The following SYNE2 variants were observed in gnomAD, a reference collection of about 807,000 sequenced individuals.
SYNE2 encodes the protein nesprin-2.
A neutral mutation model predicts 856.3 loss-of-function variants in SYNE2; 431 were observed. The ratio of observed to expected loss-of-function variants is 0.50; its 90% confidence interval spans 0.47 to 0.55. The LOEUF is 0.55. Among genes scored for constraint, SYNE2 ranks in the 20% least tolerant of loss-of-function variants. The pLI is 0.00. For synonymous variants in SYNE2, 2,923 were observed against 2,872.3 expected (o/e 1.02, Z -0.56); for missense variants, 8,129 against 8,023.2 (o/e 1.01, Z -0.50).
chr14:63,912,026 CT>C (rs2095479035), intron 2 of SYNE2, among the ~76,000 whole-genome samples: 1 of 151,978 alleles, frequency 6.6e-6, no homozygotes, highest in Admixed American at 6.6e-5. Flanking sequence ...GCTGGACACA[CT>C]GCTGTCTTAG....
chr14:63,763,055 C>G (rs1444171165), intron 1 of SYNE2, among the ~76,000 whole-genome samples: 1 of 152,198 alleles, frequency 6.6e-6, no homozygotes, highest in Non-Finnish European at 1.5e-5. Context: ...GCAACCTCTG[C>G]CTCCCAGGTT....
chr14:64,195,396 A>G (rs1485975394), intron 99 of SYNE2, among the ~76,000 whole-genome samples: 1 of 152,244 alleles, frequency 6.6e-6, no homozygotes, highest in African/African-American at 2.4e-5. Flanking sequence ...TGATGGTAGC[A>G]CCACTAGCAA....
rs1440265767 is a variant in SYNE2 at position 64,106,199 on chromosome 14, G to A, written c.12493-1292G>A. Among the ~76,000 whole-genome samples the A allele has an allele frequency of 2.0e-5, 3 of 149,570 alleles. No individual in the cohort carries two copies. In the Admixed American group the frequency reaches 2.0e-4, roughly 10 times the overall value. The stretch of plus-strand genomic sequence containing the variant: ...TCAGTCTTAGCCAAACTTAGCCAGT[G>A]GTTTAAATTAATTTATGTTCTAAGA... On this transcript the variant is annotated intron_variant, in intron 64 of 115. Transcript: ENST00000555002.
At chr14:63,865,724 C>CCCAAA (rs1555352398) in intron 1 of SYNE2, among the ~76,000 whole-genome samples, 7 of 95,352 alleles carry the variant, frequency 7.3e-5, no homozygotes, top group Non-Finnish European at 1.1e-4. Flanking sequence ...ACCCCCCCCC[C>CCCAAA]AAAAAAAAAG....
Position 64,214,311 on chromosome 14 carries a change from T to C in SYNE2, c.19174T>C (p.Ser6392Pro). ...GAGCGAGGAACCGTCATCTCCTCAG[T>C]CCCTGTGTCATCTAGTGGCCCCAGG... ...GESEEPSSPQ[S>P]LCHLVAPGHE... Residue 6392 changes from serine (S) to proline (P), a missense_variant, in exon 106 of 116, where the codon TCC becomes CCC. By Grantham distance (74) the Ser-to-Pro change is moderately conservative. Around this residue, in one of 3 missense-constraint regions of SYNE2, gnomAD observed 5,410 missense variants for 5,284.8 expected, o/e 1.02. Transcript: ENST00000555002. 6.2e-7 allele frequency: 1 copy of C among 1,613,962 alleles called. No homozygotes were observed. The highest frequency in any genetic ancestry group is 8.5e-7 in the Non-Finnish European group (1 of 1,179,972).
At position 64,212,047 on chromosome 14, in the gene SYNE2, C is replaced by A. The variant is rs750950612; in HGVS notation, c.18810C>A (p.Asn6270Lys). 6.2e-7 allele frequency: 1 copy of A among 1,614,156 alleles called. No homozygotes were observed. Among genetic ancestry groups the A allele is most frequent in the East Asian group, 2.2e-5 (1 of 44,884 alleles). ...CAGAGATGGACCTGCAGCTGACCAACGTGGAGCACTTCTCAGAGAGTGACG... is the reference window on the plus strand; with the variant it reads ...CAGAGATGGACCTGCAGCTGACCAAAGTGGAGCACTTCTCAGAGAGTGACG... ...WLTEMDLQLT[N>K]VEHFSESDAD... The change falls in exon 104 of 116, where the codon AAC (asparagine) becomes AAA (lysine). Residue 6270 changes from asparagine to lysine, a missense_variant. Around this residue, in one of 3 missense-constraint regions of SYNE2, gnomAD observed 5,410 missense variants for 5,284.8 expected, o/e 1.02. Coordinates refer to ENST00000555002, the MANE Select transcript of SYNE2 (RefSeq NM_182914.3).
chr14:63,997,074 A>T lies in SYNE2; in HGVS notation c.3068A>T (p.Glu1023Val), dbSNP rs372839037. The part of the protein sequence containing the change: ...QEVKRLLKDY[E>V]QKIERLLKCA... ...GTGAAGAGACTACTCAAAGATTATG[A>T]ACAAAAGATAGAAAGACTTCTGAAA... is the stretch of plus-strand genomic sequence containing the variant. Residue 1023 changes from glutamate (E) to valine (V), a missense_variant, in exon 24 of 116, where the codon GAA becomes GTA. By Grantham distance (121) the Glu-to-Val change is moderately radical. Coordinates refer to ENST00000555002, the MANE Select transcript of SYNE2 (RefSeq NM_182914.3). 5.0e-6 allele frequency: 8 copies of T among 1,613,984 alleles called. No individual in the cohort carries two copies. The African/African-American group carries it at 9.3e-5, about 19-fold the overall frequency.
chr14:63,796,854 C>T (rs1887933011), intron 1 of SYNE2, among the ~76,000 whole-genome samples: 1 of 151,974 alleles, frequency 6.6e-6, no homozygotes, highest in African/African-American at 2.4e-5. Context: ...CCGAGGAAGG[C>T]AGATCACGAG....
In SYNE2 at chr14:64,052,974, C is replaced by G. The variant is rs1395702884; in HGVS notation, c.9061C>G (p.Gln3021Glu). The G allele has an allele frequency of 3.7e-6, 6 of 1,610,324 alleles. No individual in the cohort carries two copies. The highest frequency in any genetic ancestry group is 5.1e-6 in the Non-Finnish European group (6 of 1,179,162). ...GGATTTTTCACAACTTGACCAATTA[C>G]AAACCCAAGTATTTGAAAAAGAAAA... ...NWDFSQLDQLQTQVFEKEKEL... is the reference protein window; with the variant it reads ...NWDFSQLDQLETQVFEKEKEL... Residue 3021 changes from glutamine to glutamate, a missense_variant, in exon 48 of 116, where the codon CAA (glutamine) becomes GAA (glutamate). Physicochemically the swap from Gln to Glu is conservative, Grantham distance 29. Coordinates refer to ENST00000555002, the MANE Select transcript of SYNE2 (RefSeq NM_182914.3).
intron 1 of SYNE2, among the ~76,000 whole-genome samples, chr14:63,855,691 T>C (rs536112508): frequency 6.6e-6 from 1 of 152,334 alleles, no homozygotes; most frequent in East Asian, 1.9e-4. Flanking sequence ...TCATAAGTTG[T>C]TATTTTTCCT....
chr14:63,925,554 T>C (rs899388645), intron 2 of SYNE2, among the ~76,000 whole-genome samples: 3 of 152,200 alleles, frequency 2.0e-5, no homozygotes, highest in African/African-American at 7.2e-5. Context: ...TTGCATTGTT[T>C]TTTTTACCAT....
At chr14:64,105,733 A>G (rs2097766823) in intron 64 of SYNE2, among the ~76,000 whole-genome samples, 1 of 152,238 alleles carries the variant, frequency 6.6e-6, no homozygotes, top group Non-Finnish European at 1.5e-5. Context: ...TCCATTTAAA[A>G]TGTGACACAC....
intron 9 of SYNE2, 53 bp downstream of exon 9, chr14:63,961,678 G>T (rs1336218294): frequency 3.1e-6 from 4 of 1,302,406 alleles, no homozygotes; most frequent in Non-Finnish European, 4.4e-6. Flanking sequence ...CCTGCTAATG[G>T]TTTAATTTTT....
intron 1 of SYNE2, among the ~76,000 whole-genome samples, chr14:63,773,399 C>T (rs1476755742): frequency 6.6e-6 from 1 of 151,930 alleles, no homozygotes; most frequent in Non-Finnish European, 1.5e-5. Flanking sequence ...AGGGGTCTTC[C>T]CATGTTGCCC....
chr14:63,951,524 A>G (rs1179752954), intron 7 of SYNE2, among the ~76,000 whole-genome samples: 4 of 152,144 alleles, frequency 2.6e-5, no homozygotes, highest in African/African-American at 9.7e-5. Context: ...GCTGGTCTCA[A>G]ACTCCTGACC....
At chr14:64,159,569 C>T in intron 87 of SYNE2, 127 bp downstream of exon 87, 2 of 1,112,848 alleles carry the variant, frequency 1.8e-6, no homozygotes, top group South Asian at 2.7e-5. Context: ...CTGTTCTGGT[C>T]TCTTCTGCTT....
At chr14:63,884,155 G>C (rs1283067245) in intron 1 of SYNE2, among the ~76,000 whole-genome samples, 1 of 152,158 alleles carries the variant, frequency 6.6e-6, no homozygotes, top group Non-Finnish European at 1.5e-5. Context: ...GTAAAATGGA[G>C]AAAGCAGGCC....
At chr14:63,779,809 G>C (rs1165935002) in intron 1 of SYNE2, among the ~76,000 whole-genome samples, 2 of 152,166 alleles carry the variant, frequency 1.3e-5, no homozygotes. Context: ...TACTCAGGAG[G>C]CTGAGGCAGG....
chr14:63,902,407 CAAAAAAAAAAAAA>C (rs10533353), intron 1 of SYNE2, among the ~76,000 whole-genome samples: 1 of 74,642 alleles, frequency 1.3e-5, no homozygotes, highest in Admixed American at 1.6e-4. Context: ...CGAGACTCCT[CAAAAAAAAAAAAA>C]AAAAAAAAAA....
Sources: allele counts gnomAD v4.1 joint callset (sites outside exome capture counted in the v4.1 genomes callset), GRCh38; gene constraint gnomAD v4.1.1; regional missense constraint gnomAD v4.1.1; transcripts MANE v1.5; gene names NCBI Gene and HGNC (gene_info 2026-07-23, HGNC 2026-07-21).